The following ZNF665 variants were observed in gnomAD, a reference collection of about 807,000 sequenced individuals.
The protein encoded by ZNF665 is zinc finger protein 665.
ZNF665 carries 6 observed loss-of-function variants against 7.9 expected under a neutral mutation model. The observed-to-expected ratio is 0.76, with a 90% CI of 0.42 to 1.50. The LOEUF (loss-of-function observed/expected upper bound fraction) is 1.50. Ranked by LOEUF, ZNF665 falls within the 40% of genes most tolerant of loss-of-function variation. The pLI is 0.01. For synonymous variants in ZNF665, 242 were observed against 274.5 expected (o/e 0.88, Z 1.17); for missense variants, 819 against 806.7 (o/e 1.02, Z -0.18).
Position 53,165,862 on chromosome 19 carries a change from T to G in ZNF665, c.628A>C (p.Lys210Gln). The G allele has an allele frequency of 6.2e-7, 1 of 1,613,832 alleles. No homozygotes were observed. Among genetic ancestry groups the G allele is most frequent in the Non-Finnish European group, 8.5e-7 (1 of 1,179,888 alleles). Residue 210 changes from lysine to glutamine, a missense_variant, in exon 4 of 4, where the codon AAG (lysine) becomes CAG (glutamine). By Grantham distance (53) the Lys-to-Gln change is moderately conservative (BLOSUM62 1). Coordinates refer to ENST00000396424, the MANE Select transcript of ZNF665 (RefSeq NM_024733.5). ...HTGEKPYQCN[K>Q]CGKAFTVRSN... The stretch of plus-strand genomic sequence containing the variant: ...CGAACAGTAAAGGCTTTGCCACACT[T>G]ATTACACTGGTAAGGCTTCTCTCCA...
At chr19:53,167,516 G>A (rs1313480435) in intron 3 of ZNF665, among the ~76,000 whole-genome samples, 2 of 149,146 alleles carry the variant, frequency 1.3e-5, no homozygotes, top group African/African-American at 4.9e-5. Flanking sequence ...GCGCGATCTC[G>A]GCTCACTGCA....
rs370338424 is a variant in ZNF665, at chr19:53,173,372, C to T, written c.142+2073G>A. Among the ~76,000 whole-genome samples the T allele has an allele frequency of 6.6e-4, 52 of 78,850 alleles. 1 individual carries two copies. The highest frequency in any genetic ancestry group is 2.0e-3 in the African/African-American group (42 of 20,666). 51.7% of individuals were successfully genotyped at this position (78,850 alleles called of 152,430 possible). ...TATATCCATCATTTTTTTTTTCACT[C>T]TTTTTTTTTTTTTTTTTTTTTGAGA... On this transcript the variant is annotated intron_variant, in intron 3 of 3. Transcript: ENST00000396424.
intron 2 of ZNF665, among the ~76,000 whole-genome samples, chr19:53,179,322 G>A (rs2090720284): frequency 7.3e-6 from 1 of 136,738 alleles, no homozygotes; most frequent in Non-Finnish European, 1.5e-5. Context: ...CTTGCAGTGA[G>A]CCGAGATCGC....
chr19:53,175,913 C>A (rs757698500), intron 2 of ZNF665, among the ~76,000 whole-genome samples: 1 of 152,204 alleles, frequency 6.6e-6, no homozygotes, highest in Non-Finnish European at 1.5e-5. Context: ...GTAATCCCAG[C>A]ACTTTGGGAG....
In ZNF665 at chr19:53,165,916, G is replaced by A. The variant is rs563075622; in HGVS notation, c.574C>T (p.Arg192Trp). The A allele has an allele frequency of 1.9e-5, 30 of 1,613,926 alleles. No individual in the cohort carries two copies. In the East Asian group the frequency reaches 3.8e-4, roughly 20 times the overall value. Residue 192 changes from arginine to tryptophan, a missense_variant, in exon 4 of 4, where the codon CGG becomes TGG. Coordinates refer to ENST00000396424, the MANE Select transcript of ZNF665 (RefSeq NM_024733.5). ...TGAATTCTCTTATGACTTGTTAGCC[G>A]TGAGTTTTGACTGAAGACCTTGCCA... ...ECGKVFSQNS[R>W]LTSHKRIHTG...
At chr19:53,168,048 T>C (rs1599872390) in intron 3 of ZNF665, among the ~76,000 whole-genome samples, 1 of 72,144 alleles carries the variant, frequency 1.4e-5, no homozygotes, top group Non-Finnish European at 2.4e-5. Flanking sequence ...ACAGCCTGAC[T>C]CCCTCTCAAA....
chr19:53,175,621 C>A, intron 2 of ZNF665, 50 bp from the exon 3 acceptor site: 1 of 1,559,306 alleles, frequency 6.4e-7, no homozygotes, highest in East Asian at 2.3e-5. Flanking sequence ...AAATTTGAAT[C>A]TTCACATAAA....
rs755573737 is a variant in ZNF665, at chr19:53,164,263, G to C, written c.*190C>G. The C allele has an allele frequency of 7.1e-6, 3 of 424,856 alleles. No homozygotes were observed. Among genetic ancestry groups the C allele is most frequent in the Non-Finnish European group, 1.2e-5 (3 of 242,396 alleles). The allele number at this position is 424,856 out of a possible 1,614,324, so 26.3% of individuals were successfully genotyped here. A position where few individuals can be genotyped will look rare whatever the true frequency, so the allele number is the denominator to read the frequency against. On this transcript the variant is annotated 3_prime_UTR_variant, in exon 4 of 4. Coordinates refer to ENST00000396424, the MANE Select transcript of ZNF665 (RefSeq NM_024733.5). ...AGTGATTCTCCTGCCTCAGCCTCCCGAGTAGCTGGGATTACAGGCGTGCAC... is the reference window on the plus strand; with the variant it reads ...AGTGATTCTCCTGCCTCAGCCTCCCCAGTAGCTGGGATTACAGGCGTGCAC...
intron 2 of ZNF665, 77 bp from the exon 3 acceptor site, chr19:53,175,648 G>T: frequency 6.6e-7 from 1 of 1,509,602 alleles, no homozygotes; most frequent in Non-Finnish European, 8.9e-7. Context: ...AGAGGAGAGA[G>T]CTGTAAGAAT....
At position 53,176,769 on chromosome 19, in the gene ZNF665, A is replaced by G. The variant is rs139786257; in HGVS notation, c.16-1198T>C. On this transcript the variant is annotated intron_variant, in intron 2 of 3. Transcript: ENST00000396424. Reference sequence around the variant, plus strand: ...CAGAACTGCTTGATTGATGTGATGGAAAACCCAACACATCTGGGAGAACGG... The same window carrying G: ...CAGAACTGCTTGATTGATGTGATGGGAAACCCAACACATCTGGGAGAACGG... Among the ~76,000 whole-genome samples the G allele has an allele frequency of 7.9e-3, 1,200 of 152,342 alleles. 9 individuals carry two copies. The highest frequency in any genetic ancestry group is 0.012 in the Non-Finnish European group (842 of 68,034).
intron 3 of ZNF665, among the ~76,000 whole-genome samples, chr19:53,172,886 A>T (rs1417465723): frequency 6.6e-6 from 1 of 151,436 alleles, no homozygotes; most frequent in Non-Finnish European, 1.5e-5. Context: ...GCCATTTTTT[A>T]AATTGGTTTG....
In ZNF665 at chr19:53,192,821, A is replaced by T. The variant is rs544519233; in HGVS notation, c.-46+491T>A. On this transcript the variant is annotated intron_variant, in intron 1 of 3. Coordinates refer to ENST00000396424, the MANE Select transcript of ZNF665 (RefSeq NM_024733.5). ...GGCTCAGGGGAAACGGTGACTGCGA[A>T]GGGGAGGCCTAGGGAGCAGCAGGGC... Among the ~76,000 whole-genome samples, 126 of 152,102 alleles carry T rather than the reference A, an allele frequency of 8.3e-4. 5 individuals are homozygous for T. In the South Asian group the frequency reaches 0.025, roughly 30 times the overall value.
intron 1 of ZNF665, among the ~76,000 whole-genome samples, chr19:53,192,859 G>A (rs4803061): frequency 0.15 from 22,435 of 152,106 alleles, 2,348 homozygotes; most frequent in Admixed American, 0.21. Flanking sequence ...GGCACGAGGA[G>A]GAGGGAGGTG....
At chr19:53,168,880 T>C (rs2090637234) in intron 3 of ZNF665, among the ~76,000 whole-genome samples, 1 of 152,128 alleles carries the variant, frequency 6.6e-6, no homozygotes, top group African/African-American at 2.4e-5. Flanking sequence ...GCTGAAACAA[T>C]TAGATCTTCA....
chr19:53,192,072 TCTC>T (rs777473743), intron 1 of ZNF665, among the ~76,000 whole-genome samples: 4 of 151,896 alleles, frequency 2.6e-5, no homozygotes, highest in Non-Finnish European at 5.9e-5. Context: ...GCCCCTCTCT[TCTC>T]CTGCTGTTTC....
intron 3 of ZNF665, among the ~76,000 whole-genome samples, chr19:53,167,462 C>CT (rs926347892): frequency 4.0e-5 from 6 of 150,100 alleles, no homozygotes; most frequent in Non-Finnish European, 5.9e-5. Context: ...ATTTCTCTCT[C>CT]TTTTTTTTTG....
intron 2 of ZNF665, 131 bp downstream of exon 2, chr19:53,182,753 G>A: frequency 2.1e-6 from 3 of 1,452,842 alleles, no homozygotes; most frequent in Non-Finnish European, 2.9e-6. Flanking sequence ...GAGGGACTGA[G>A]GGAAGGCACG....
chr19:53,180,254 A>G (rs1231743617), intron 2 of ZNF665, among the ~76,000 whole-genome samples: 2 of 151,990 alleles, frequency 1.3e-5, no homozygotes, highest in Non-Finnish European at 2.9e-5. Flanking sequence ...CTAACATGGT[A>G]AAACCCCGTC....
intron 1 of ZNF665, among the ~76,000 whole-genome samples, chr19:53,192,319 G>C (rs2090823352): frequency 6.6e-6 from 1 of 151,726 alleles, no homozygotes; most frequent in Non-Finnish European, 1.5e-5. Context: ...TTCTCCCTCT[G>C]CTCTCCTTGT....
Sources: allele counts gnomAD v4.1 joint callset (sites outside exome capture counted in the v4.1 genomes callset), GRCh38; gene constraint gnomAD v4.1.1; transcripts MANE v1.5; gene names NCBI Gene and HGNC (gene_info 2026-07-23, HGNC 2026-07-21).